CEP295: variants seen among roughly 807,000 people sequenced by gnomAD.
CEP295 encodes the protein centrosomal protein 295.
Under a neutral mutation model 291.6 loss-of-function variants are expected in CEP295, and 190 were observed. The ratio of observed to expected loss-of-function variants is 0.65; its 90% confidence interval spans 0.58 to 0.73. The LOEUF is 0.73. Among genes scored for constraint, CEP295 ranks in the 30% least tolerant of loss-of-function variants. The pLI, the probability that CEP295 is intolerant of heterozygous loss-of-function variation, is 0.00. For synonymous variants in CEP295, 993 were observed against 1,038.8 expected (o/e 0.96, Z 0.85); for missense variants, 2,863 against 2,949.4 (o/e 0.97, Z 0.68).
At chr11:93,692,565 C>A (rs1951620650) in intron 12 of CEP295, among the ~76,000 whole-genome samples, 1 of 152,142 alleles carries the variant, frequency 6.6e-6, no homozygotes, top group African/African-American at 2.4e-5. Flanking sequence ...CAGTTCAATC[C>A]TCTGACCTCA....
In CEP295 at chr11:93,675,584, A is replaced by G; in HGVS notation, c.542A>G (p.Lys181Arg). 1 of 1,493,454 alleles carries G rather than the reference A, an allele frequency of 6.7e-7. No homozygotes were observed. The highest frequency in any genetic ancestry group is 8.9e-7 in the Non-Finnish European group (1 of 1,121,744). 92.5% of individuals were successfully genotyped at this position (1,493,454 alleles called of 1,614,324 possible). The part of the protein sequence containing the change: ...PPTLFENIEV[K>R]RISAVKTNSS... ...TCTCTTTTCCAGAACATCGAAGTAA[A>G]AAGAATTTCTGCAGTCAAAACCAAT... is the stretch of plus-strand genomic sequence containing the variant. The change falls in exon 6 of 30, where the codon AAA becomes AGA. Residue 181 changes from lysine to arginine, a missense_variant. Lys to Arg is a conservative substitution (Grantham distance 26, BLOSUM62 2). Transcript: ENST00000325212.
intron 12 of CEP295, among the ~76,000 whole-genome samples, chr11:93,694,928 A>G (rs1951774428): frequency 1.3e-5 from 2 of 152,200 alleles, no homozygotes; most frequent in Admixed American, 6.5e-5. Flanking sequence ...TTACTCAAAC[A>G]TGTTCATATT....
In CEP295 at chr11:93,696,755, C is replaced by G; in HGVS notation, c.1843C>G (p.Pro615Ala). The G allele has an allele frequency of 6.4e-7, 1 of 1,551,358 alleles. No individual in the cohort carries two copies. The highest frequency in any genetic ancestry group is 2.0e-5 in the Admixed American group (1 of 50,984). Residue 615 changes from proline (P) to alanine (A), a missense_variant, in exon 15 of 30, where the codon CCA becomes GCA. Coordinates refer to ENST00000325212, the MANE Select transcript of CEP295 (RefSeq NM_033395.2). ...TCAAACTATGTTAAAAGGAAGGTGC[C>G]CATCGGTGTCAGCTCCATCATTGAT... ...EYQTMLKGRC[P>A]SVSAPSLITD... is the part of the protein sequence containing the mutation.
chr11:93,682,628 T>A (rs1951031355), intron 7 of CEP295, among the ~76,000 whole-genome samples: 1 of 152,142 alleles, frequency 6.6e-6, no homozygotes. Flanking sequence ...TCACTGCTAA[T>A]AGAGGATTTC....
chr11:93,685,036 A>ATATTC (rs2134978757), intron 9 of CEP295, among the ~76,000 whole-genome samples: 1 of 152,312 alleles, frequency 6.6e-6, no homozygotes. Context: ...TAAATTTATG[A>ATATTC]TCTTCTCTTG....
intron 11 of CEP295, 21 bp from the exon 12 acceptor site, chr11:93,691,906 T>C: frequency 6.8e-7 from 1 of 1,460,342 alleles, no homozygotes; most frequent in Non-Finnish European, 9.3e-7. Flanking sequence ...AAACTAATTT[T>C]TGTTTGGGGC....
chr11:93,685,309 A>T (rs1429492068), intron 9 of CEP295, among the ~76,000 whole-genome samples: 1 of 152,158 alleles, frequency 6.6e-6, no homozygotes, highest in East Asian at 1.9e-4. Context: ...AACTTTATGT[A>T]GGCCTCCTAT....
At chr11:93,667,248 T>A (rs943764520) in intron 2 of CEP295, among the ~76,000 whole-genome samples, 8 of 152,356 alleles carry the variant, frequency 5.3e-5, no homozygotes, top group African/African-American at 1.9e-4. Flanking sequence ...AGAAATGATG[T>A]ACAACAGAAA....
rs199759022 is a variant in CEP295, at chr11:93,668,910, A to G, written c.412A>G (p.Ile138Val). Residue 138 changes from isoleucine (I) to valine (V), a missense_variant, in exon 4 of 30, where the codon ATA (isoleucine) becomes GTA (valine). By Grantham distance (29) the Ile-to-Val change is conservative (BLOSUM62 3). Around this residue, in one of 3 missense-constraint regions of CEP295, gnomAD observed 554 missense variants for 576.0 expected, o/e 0.96. Transcript: ENST00000325212. ...ALKVQKNQKE[I>V]LLKQKTWHIK... ...GAAAGTACAGAAAAATCAAAAAGAA[A>G]TATTACTGAAACAAAAAACCTGGTA... 195 of 1,247,652 alleles carry G rather than the reference A, an allele frequency of 1.6e-4. No individual in the cohort carries two copies. In the African/African-American group the frequency reaches 2.7e-3, roughly 17 times the overall value. 77.3% of individuals were successfully genotyped at this position (1,247,652 alleles called of 1,614,324 possible). A position where few individuals can be genotyped will look rare whatever the true frequency, so the allele number is the denominator to read the frequency against.
Position 93,667,639 on chromosome 11 carries a change from G to T in CEP295, c.141G>T (p.Gln47His), listed in dbSNP as rs1160940023. ...AACAAGAAAGAGATATCGCCTTACA[G>T]ATAAGAGAAGACATAAAACAGAGGA... The part of the protein sequence containing the change: ...VREQERDIAL[Q>H]IREDIKQRRN... The change falls in exon 3 of 30, where the codon CAG (glutamine) becomes CAT (histidine). Residue 47 changes from glutamine to histidine, a missense_variant. Transcript: ENST00000325212. The T allele has an allele frequency of 1.9e-6, 3 of 1,551,074 alleles. No homozygotes were observed. The highest frequency in any genetic ancestry group is 1.7e-6 in the Non-Finnish European group (2 of 1,146,628).
chr11:93,711,664 A>G (rs980342045), intron 18 of CEP295, among the ~76,000 whole-genome samples: 1 of 151,828 alleles, frequency 6.6e-6, no homozygotes, highest in Admixed American at 6.6e-5. Context: ...CACCATGCTT[A>G]GCTAATTTTT....
rs114784447 is a variant in CEP295 at position 93,696,752 on chromosome 11, T to G, written c.1840T>G (p.Cys614Gly). Residue 614 changes from cysteine to glycine, a missense_variant, in exon 15 of 30, where the codon TGC becomes GGC. Cys to Gly is a radical substitution (Grantham distance 159). This residue lies in a region of CEP295 where 2,295 missense variants were observed against 2,335.7 expected (regional missense o/e 0.98). Coordinates refer to ENST00000325212, the MANE Select transcript of CEP295 (RefSeq NM_033395.2). ...ATATCAAACTATGTTAAAAGGAAGG[T>G]GCCCATCGGTGTCAGCTCCATCATT... ...LEYQTMLKGR[C>G]PSVSAPSLIT... 236 of 1,551,340 alleles carry G rather than the reference T, an allele frequency of 1.5e-4. 1 individual carries two copies. The African/African-American group carries it at 2.8e-3, about 19-fold the overall frequency.
chr11:93,710,797 A>G (rs964809846), intron 18 of CEP295, among the ~76,000 whole-genome samples: 6 of 152,078 alleles, frequency 3.9e-5, no homozygotes, highest in Non-Finnish European at 8.8e-5. Flanking sequence ...ATTACTTGTT[A>G]TTGGTCTACT....
intron 10 of CEP295, among the ~76,000 whole-genome samples, chr11:93,688,929 G>C (rs1295359710): frequency 2.0e-5 from 3 of 152,080 alleles, no homozygotes; most frequent in Non-Finnish European, 4.4e-5. Flanking sequence ...CCACATTTCA[G>C]TATCTGGCAA....
intron 5 of CEP295, among the ~76,000 whole-genome samples, chr11:93,674,123 C>T (rs775844033): frequency 1.3e-5 from 2 of 151,790 alleles, no homozygotes; most frequent in Non-Finnish European, 2.9e-5. Context: ...CTACCATGCC[C>T]ATCTAATTTT....
intron 18 of CEP295, among the ~76,000 whole-genome samples, chr11:93,720,062 T>TA (rs11371094): frequency 0.96 from 139,623 of 144,846 alleles, 67,393 homozygotes; most frequent in South Asian, 1. Flanking sequence ...TAGAAAGCTG[T>TA]AAAAAAAAAA....
intron 12 of CEP295, among the ~76,000 whole-genome samples, chr11:93,692,510 G>A (rs1476470616): frequency 1.3e-5 from 2 of 152,114 alleles, no homozygotes; most frequent in Non-Finnish European, 2.9e-5. Flanking sequence ...CGCCCAGGCT[G>A]GAGTACAGTG....
At chr11:93,695,960 A>T (rs1951824404) in intron 13 of CEP295, among the ~76,000 whole-genome samples, 1 of 152,160 alleles carries the variant, frequency 6.6e-6, no homozygotes, top group Non-Finnish European at 1.5e-5. Context: ...GCAGAGTGAG[A>T]TTCCATCTCA....
chr11:93,679,339 GTTGTT>G, intron 6 of CEP295, 68 bp from the exon 7 acceptor site: 1 of 1,253,982 alleles, frequency 8.0e-7, no homozygotes, highest in Non-Finnish European at 1.1e-6. Flanking sequence ...TGATTTTAAG[GTTGTT>G]TTGTTTTTTA....
Sources: gnomAD v4.1 joint callset for allele counts (sites outside exome capture counted in the v4.1 genomes callset) on GRCh38, gnomAD v4.1.1 for gene constraint, gnomAD v4.1.1 regional missense constraint, MANE v1.5 for transcripts, NCBI Gene and HGNC (gene_info 2026-07-23, HGNC 2026-07-21) for gene names.